KALRN: variants seen among roughly 807,000 people sequenced by gnomAD.
The protein encoded by KALRN is kalirin RhoGEF kinase, also known as kalirin.
In KALRN, 70 loss-of-function variants were observed where a neutral mutation model predicts 353.7. That is an observed-to-expected ratio of 0.20 (90% CI 0.16 to 0.24). The LOEUF is 0.24. Among genes scored for constraint, KALRN ranks in the 10% least tolerant of loss-of-function variants. KALRN has a pLI of 1.00. For missense variants in KALRN, 2,791 were observed against 3,756.7 expected, an observed-to-expected ratio of 0.74 and a Z score of 6.72; for synonymous variants, 1,391 against 1,434.8, an observed-to-expected ratio of 0.97 and a Z score of 0.69.
At chr3:124,628,223 T>C (rs1178687179) in intron 34 of KALRN, among the ~76,000 whole-genome samples, 11 of 32,370 alleles carry the variant, frequency 3.4e-4, no homozygotes, top group African/African-American at 2.1e-3. Flanking sequence ...CTTCCCTCCC[T>C]CCCTCCTTCC....
rs2073891850 is a variant in KALRN, at chr3:124,269,254, A to G, written c.968A>G (p.Lys323Arg). Reference sequence around the variant, plus strand: ...CGGCTCTTCGAGCAGGATGCTGAGAAGGTAGGAAGGGAACAGGCCAAACCT... The same window carrying G: ...CGGCTCTTCGAGCAGGATGCTGAGAGGGTAGGAAGGGAACAGGCCAAACCT... ...QLRLFEQDAE[K>R]MFDWISHNKE... Residue 323 changes from lysine (K) to arginine (R), a missense_variant and splice_region_variant, in exon 5 of 60, where the codon AAG becomes AGG. Coordinates refer to ENST00000682506, the MANE Select transcript of KALRN (RefSeq NM_001388419.1). 6.3e-7 allele frequency: 1 copy of G among 1,592,510 alleles called. No individual in the cohort carries two copies. The highest frequency in any genetic ancestry group is 2.3e-5 in the East Asian group (1 of 44,374).
chr3:124,169,222 G>C (rs1465381509), intron 1 of KALRN, among the ~76,000 whole-genome samples: 1 of 152,142 alleles, frequency 6.6e-6, no homozygotes. Flanking sequence ...TGAGGGGTCA[G>C]TGCTGTGATT....
chr3:124,358,719 C>T (rs1255424121), intron 10 of KALRN, among the ~76,000 whole-genome samples: 1 of 152,164 alleles, frequency 6.6e-6, no homozygotes, highest in Non-Finnish European at 1.5e-5. Context: ...TTATTTATTT[C>T]TCACAACATC....
chr3:124,238,619 T>G lies in KALRN; in HGVS notation c.263+3676T>G, dbSNP rs934744523. On this transcript the variant is annotated intron_variant, in intron 3 of 59. Coordinates refer to ENST00000682506, the MANE Select transcript of KALRN (RefSeq NM_001388419.1). ...ACCAATATGCATCTAAGTGCTCTCT[T>G]CTCAGACTTCCTAAGTAAGTTAAGG... Among the ~76,000 whole-genome samples, 3 of 152,228 alleles carry G rather than the reference T, an allele frequency of 2.0e-5. No homozygotes were observed. In the South Asian group the frequency reaches 6.2e-4, roughly 32 times the overall value.
intron 6 of KALRN, among the ~76,000 whole-genome samples, chr3:124,316,826 T>A (rs1326649129): frequency 6.6e-6 from 1 of 152,246 alleles, no homozygotes; most frequent in African/African-American, 2.4e-5. Flanking sequence ...GCTTGTACAA[T>A]GTCTTGTATT....
chr3:124,501,916 G>A (rs960730470), intron 33 of KALRN, among the ~76,000 whole-genome samples: 1 of 152,212 alleles, frequency 6.6e-6, no homozygotes, highest in Non-Finnish European at 1.5e-5. Flanking sequence ...AGAAAGGATG[G>A]CCATTTCTAG....
chr3:124,599,331 A>G lies in KALRN; in HGVS notation c.5183-33089A>G, dbSNP rs190030631. Among the ~76,000 whole-genome samples, 59 of 152,240 alleles carry G rather than the reference A, an allele frequency of 3.9e-4. 2 individuals are homozygous for G. The South Asian group carries it at 8.3e-3, about 21-fold the overall frequency. ...GCTCTCCTGCCGTTCTTTGGTCTAT[A>G]AGAACCTCTGAGGAACCTGTACCTA... On this transcript the variant is annotated intron_variant, in intron 34 of 59. Coordinates refer to ENST00000682506, the MANE Select transcript of KALRN (RefSeq NM_001388419.1).
chr3:124,472,567 GTGTGTATA>G (rs1206478153), intron 25 of KALRN, among the ~76,000 whole-genome samples: 1 of 111,220 alleles, frequency 9.0e-6, no homozygotes, highest in African/African-American at 4.8e-5. Flanking sequence ...TAAAATGTGT[GTGTGTATA>G]TGTGTGTGTG....
At chr3:124,221,979 C>T (rs1416397310) in intron 1 of KALRN, among the ~76,000 whole-genome samples, 1 of 152,194 alleles carries the variant, frequency 6.6e-6, no homozygotes, top group East Asian at 1.9e-4. Flanking sequence ...TGTTTCCTGA[C>T]CAGCATTTCC....
chr3:124,407,118 C>T (rs945015041), intron 13 of KALRN, among the ~76,000 whole-genome samples: 1 of 152,070 alleles, frequency 6.6e-6, no homozygotes, highest in Admixed American at 6.5e-5. Flanking sequence ...GTCACTGCAC[C>T]CAGCCAGGCA....
chr3:124,045,395 G>A (rs1474094993), intron 1 of KALRN, among the ~76,000 whole-genome samples: 1 of 152,182 alleles, frequency 6.6e-6, no homozygotes, highest in African/African-American at 2.4e-5. Context: ...AGCTTTAAGT[G>A]CAAGATTTTA....
At chr3:124,138,015 GC>G (rs898602897) in intron 1 of KALRN, among the ~76,000 whole-genome samples, 9 of 152,132 alleles carry the variant, frequency 5.9e-5, no homozygotes, top group African/African-American at 1.9e-4. Flanking sequence ...GGAGCTTAAG[GC>G]CCTGGACATT....
At chr3:124,584,326 T>C (rs2074905485) in intron 34 of KALRN, among the ~76,000 whole-genome samples, 2 of 152,138 alleles carry the variant, frequency 1.3e-5, no homozygotes, top group Non-Finnish European at 2.9e-5. Context: ...CGGGTGAGGC[T>C]GCGAGGAAGA....
chr3:124,418,042 A>G (rs1303274298), intron 14 of KALRN, among the ~76,000 whole-genome samples: 1 of 152,240 alleles, frequency 6.6e-6, no homozygotes, highest in African/African-American at 2.4e-5. Flanking sequence ...TTGCTGAATT[A>G]ATCGAGAATG....
Position 124,678,240 on chromosome 3 carries a change from A to T in KALRN, c.7244A>T (p.Glu2415Val). The T allele has an allele frequency of 1.9e-6, 3 of 1,614,122 alleles. No individual in the cohort carries two copies. Among genetic ancestry groups the T allele is most frequent in the Non-Finnish European group, 2.5e-6 (3 of 1,179,974 alleles). Reference protein sequence around the residue: ...TLRMRKRAEVENTGKNEATGP... With the variant: ...TLRMRKRAEVVNTGKNEATGP... The stretch of plus-strand genomic sequence containing the variant: ...CGCATGAGAAAGCGGGCGGAAGTGG[A>T]GAACACGGGTAAAAATGAAGCCACA... Residue 2415 changes from glutamate (E) to valine (V), a missense_variant, in exon 50 of 60, where the codon GAG becomes GTG. By Grantham distance (121) the Glu-to-Val change is moderately radical (BLOSUM62 -2). Around this residue, in one of 11 missense-constraint regions of KALRN, gnomAD observed 1,065 missense variants for 1,156.4 expected, o/e 0.92. Coordinates refer to ENST00000682506, the MANE Select transcript of KALRN (RefSeq NM_001388419.1).
chr3:124,638,141 C>G (rs1275322507), intron 37 of KALRN, among the ~76,000 whole-genome samples: 1 of 152,122 alleles, frequency 6.6e-6, no homozygotes, highest in African/African-American at 2.4e-5. Context: ...TGTGCTTCTG[C>G]CAGACTTCTA....
At chr3:124,582,281 A>G (rs747999877) in intron 34 of KALRN, among the ~76,000 whole-genome samples, 17 of 152,186 alleles carry the variant, frequency 1.1e-4, no homozygotes, top group Non-Finnish European at 1.3e-4. Context: ...TTGGCCTCCC[A>G]AAGTGCTGGG....
intron 1 of KALRN, among the ~76,000 whole-genome samples, chr3:124,156,410 T>G (rs2069002589): frequency 6.6e-6 from 1 of 152,214 alleles, no homozygotes; most frequent in Non-Finnish European, 1.5e-5. Flanking sequence ...TAGTCTCTAC[T>G]TAAACTTGGG....
At chr3:124,065,161 T>C (rs1373114788) in intron 1 of KALRN, among the ~76,000 whole-genome samples, 2 of 152,204 alleles carry the variant, frequency 1.3e-5, no homozygotes, top group Non-Finnish European at 2.9e-5. Flanking sequence ...AGAAGGTTTC[T>C]TATTTTCAAA....
Sources: allele counts gnomAD v4.1 joint callset (sites outside exome capture counted in the v4.1 genomes callset), GRCh38; gene constraint gnomAD v4.1.1; regional missense constraint gnomAD v4.1.1; transcripts MANE v1.5; gene names NCBI Gene and HGNC (gene_info 2026-07-23, HGNC 2026-07-21).